Variants in DBT observed in about 807,000 individuals in gnomAD.
The protein encoded by DBT is lipoamide acyltransferase component of branched-chain alpha-keto acid dehydrogenase complex, mitochondrial.
Under a neutral mutation model 51.3 loss-of-function variants are expected in DBT, and 40 were observed. The observed-to-expected ratio is 0.78, with a 90% CI of 0.61 to 1.02. The LOEUF is 1.02. Ranked by LOEUF, DBT falls within the 50% of genes least tolerant of loss-of-function variation. The pLI is 0.00. For missense variants in DBT, 510 were observed against 580.2 expected, an observed-to-expected ratio of 0.88 and a Z score of 1.24; for synonymous variants, 181 against 190.4, an observed-to-expected ratio of 0.95 and a Z score of 0.41.
chr1:100,249,686 C>A, intron 1 of DBT, 84 bp downstream of exon 1: 1 of 1,362,330 alleles, frequency 7.3e-7, no homozygotes, highest in Non-Finnish European at 1.1e-6. Context: ...CGCCTGGCAC[C>A]GGAGGAGAAA....
chr1:100,207,236 C>T (rs898110072), intron 8 of DBT, among the ~76,000 whole-genome samples: 3 of 152,150 alleles, frequency 2.0e-5, no homozygotes, highest in Non-Finnish European at 2.9e-5. Flanking sequence ...GCTGAAATGA[C>T]GTCATGTGAT....
chr1:100,245,209 A>AAAT (rs917173666), intron 1 of DBT, among the ~76,000 whole-genome samples: 71 of 151,464 alleles, frequency 4.7e-4, no homozygotes, highest in African/African-American at 7.3e-4. Context: ...ATCCCATCTC[A>AAAT]AATAATAATA....
rs1171001709 is a variant in DBT, at chr1:100,230,846, G to T, written c.320C>A (p.Ser107Tyr). The change falls in exon 4 of 11, where the codon TCT becomes TAT. Residue 107 changes from serine to tyrosine, a missense_variant. Coordinates refer to ENST00000370132, the MANE Select transcript of DBT (RefSeq NM_001918.5). ...SICEVQSDKA[S>Y]VTITSRYDGV... is the part of the protein sequence containing the mutation. ...ATCATAACGACTAGTGATGGTAACA[G>T]AAGCTTTATCACTTTGAACTTCACA... 6.2e-7 allele frequency: 1 copy of T among 1,605,572 alleles called. No homozygotes were observed. Among genetic ancestry groups the T allele is most frequent in the Non-Finnish European group, 8.5e-7 (1 of 1,172,526 alleles).
intron 6 of DBT, among the ~76,000 whole-genome samples, chr1:100,215,730 G>A (rs1662433934): frequency 6.6e-6 from 1 of 152,144 alleles, no homozygotes; most frequent in African/African-American, 2.4e-5. Flanking sequence ...GCTGAGGCAG[G>A]AGAATTGCTT....
At chr1:100,196,844 G>A (rs1661142311) in intron 10 of DBT, 1 of 199,578 alleles carries the variant, frequency 5.0e-6, no homozygotes, top group Non-Finnish European at 1.0e-5. Context: ...TGACCACTGA[G>A]TTGGCCAGGA....
chr1:100,243,417 C>T (rs191848096), intron 1 of DBT, among the ~76,000 whole-genome samples: 168 of 151,566 alleles, frequency 1.1e-3, no homozygotes, highest in African/African-American at 3.9e-3. Context: ...CAGGTTCATG[C>T]GATTCTCGTG....
intron 1 of DBT, among the ~76,000 whole-genome samples, chr1:100,241,690 C>T (rs916327292): frequency 3.3e-5 from 5 of 152,168 alleles, no homozygotes; most frequent in Non-Finnish European, 7.4e-5. Context: ...AGCCACCATG[C>T]CAGGCCATAA....
chr1:100,215,171 C>G (rs889403268), intron 6 of DBT, among the ~76,000 whole-genome samples, 188 bp from the exon 7 acceptor site: 4 of 152,092 alleles, frequency 2.6e-5, no homozygotes, highest in African/African-American at 9.7e-5. Context: ...GGAACACTGA[C>G]TGCATCATGA....
chr1:100,213,262 G>A (rs1048010139), intron 7 of DBT: 3 of 1,314,274 alleles, frequency 2.3e-6, no homozygotes, highest in Admixed American at 4.0e-5. Context: ...CCGCGTCCCC[G>A]CCGGGGCCGA....
intron 10 of DBT, among the ~76,000 whole-genome samples, chr1:100,202,360 C>G (rs1206356394): frequency 6.6e-6 from 1 of 152,176 alleles, no homozygotes. Context: ...GAATAGCTAA[C>G]TATCCTAAAT....
intron 1 of DBT, among the ~76,000 whole-genome samples, 154 bp downstream of exon 1, chr1:100,249,616 C>T (rs1664796250): frequency 6.6e-6 from 1 of 152,146 alleles, no homozygotes; most frequent in African/African-American, 2.4e-5. Flanking sequence ...TCGACTCGCT[C>T]CGTTCTCTGC....
chr1:100,201,681 A>G (rs1325532395), intron 10 of DBT, among the ~76,000 whole-genome samples: 1 of 152,226 alleles, frequency 6.6e-6, no homozygotes, highest in Non-Finnish European at 1.5e-5. Context: ...CACAAAGGGA[A>G]GCCCATCAGA....
chr1:100,218,824 A>G, intron 4 of DBT, 77 bp from the exon 5 acceptor site: 1 of 1,123,840 alleles, frequency 8.9e-7, no homozygotes, highest in South Asian at 1.3e-5. Flanking sequence ...AAGGCCACTA[A>G]GATGTGGCCT....
chr1:100,225,235 C>A (rs905728802), intron 4 of DBT, among the ~76,000 whole-genome samples: 1 of 151,664 alleles, frequency 6.6e-6, no homozygotes. Flanking sequence ...ACCCTCCATA[C>A]TCTGTCACCA....
rs1161001732 is a variant in DBT, at chr1:100,191,749, T to TACACAC, written c.*4500_*4505dup. On this transcript the variant is annotated 3_prime_UTR_variant, in exon 11 of 11. Coordinates refer to ENST00000370132, the MANE Select transcript of DBT (RefSeq NM_001918.5). ...GTGTGTATATATATGTGTGTGTGTATACACACACACACACACACACACACA... is the reference window on the plus strand; with the variant it reads ...GTGTGTATATATATGTGTGTGTGTATACACACACACACACACACACACACACACACA... 2.8e-3 allele frequency: 137 copies of TACACAC among 49,006 alleles called. No homozygotes were observed. The highest frequency in any genetic ancestry group is 5.4e-3 in the African/African-American group (134 of 24,982). The allele number at this position is 49,006 out of a possible 1,614,324, so 3.0% of individuals were successfully genotyped here.
At chr1:100,238,678 TG>T (rs986221203) in intron 2 of DBT, among the ~76,000 whole-genome samples, 14 of 151,958 alleles carry the variant, frequency 9.2e-5, no homozygotes, top group African/African-American at 3.4e-4. Flanking sequence ...TAAAATTTTT[TG>T]TAGAGGCAGG....
rs1346930338 is a variant in DBT at position 100,190,803 on chromosome 1, C to G, written c.*5452G>C. 6 of 152,168 alleles carry G rather than the reference C, an allele frequency of 3.9e-5. No individual in the cohort carries two copies. The highest frequency in any genetic ancestry group is 8.8e-5 in the Non-Finnish European group (6 of 68,038). The allele number at this position is 152,168 out of a possible 1,614,324, so 9.4% of individuals were successfully genotyped here. A position where few individuals can be genotyped will look rare whatever the true frequency, so the allele number is the denominator to read the frequency against. ...CTTAGATTGAATCACTTTGTCTGCT[C>G]TGAGGTTATTTGCTTATTATGACAA... On this transcript the variant is annotated 3_prime_UTR_variant, in exon 11 of 11. Transcript: ENST00000370132.
intron 1 of DBT, among the ~76,000 whole-genome samples, chr1:100,243,005 C>A (rs1664311637): frequency 6.6e-6 from 1 of 151,994 alleles, no homozygotes; most frequent in South Asian, 2.1e-4. Flanking sequence ...GTGGCTCTGG[C>A]CTGTAATCCC....
chr1:100,198,938 G>C (rs1306568297), intron 10 of DBT, among the ~76,000 whole-genome samples: 3 of 152,252 alleles, frequency 2.0e-5, no homozygotes, highest in South Asian at 2.1e-4. Flanking sequence ...GAAAAGAAAG[G>C]CTCTTCTTAA....
Sources: allele counts gnomAD v4.1 joint callset (sites outside exome capture counted in the v4.1 genomes callset), GRCh38; gene constraint gnomAD v4.1.1; transcripts MANE v1.5; gene names NCBI Gene and HGNC (gene_info 2026-07-23, HGNC 2026-07-21).